The following MUSK variants were observed in gnomAD, a reference collection of about 807,000 sequenced individuals.
MUSK encodes muscle associated receptor tyrosine kinase.
In MUSK, 55 loss-of-function variants were observed where a neutral mutation model predicts 88.7. The ratio of observed to expected loss-of-function variants is 0.62; its 90% CI spans 0.50 to 0.78. The LOEUF (loss-of-function observed/expected upper bound fraction) is 0.78. Among genes scored for constraint, MUSK ranks in the 30% least tolerant of loss-of-function variants. MUSK has a pLI of 0.00. For missense variants in MUSK, 1,015 were observed against 1,074.3 expected (o/e 0.94, Z 0.77); for synonymous variants, 387 against 391.9 (o/e 0.99, Z 0.15).
intron 11 of MUSK, among the ~76,000 whole-genome samples, chr9:110,781,253 GTTT>G (rs1455675224): frequency 9.1e-6 from 1 of 109,748 alleles, no homozygotes; most frequent in African/African-American, 3.3e-5. Flanking sequence ...GTTTGTGTGT[GTTT>G]TTTTGTTTTG....
intron 5 of MUSK, among the ~76,000 whole-genome samples, chr9:110,720,984 C>CA (rs1382223456): frequency 1.3e-5 from 2 of 151,974 alleles, no homozygotes; most frequent in Non-Finnish European, 2.9e-5. Flanking sequence ...GAATCAAAAA[C>CA]AAAAATCACG....
chr9:110,729,835 T>C (rs1248664376), intron 5 of MUSK, among the ~76,000 whole-genome samples: 5 of 151,816 alleles, frequency 3.3e-5, no homozygotes, highest in Non-Finnish European at 7.4e-5. Context: ...AAAAGAGAGG[T>C]AGTTCATCTC....
At chr9:110,768,445 G>A (rs1013564735) in intron 9 of MUSK, among the ~76,000 whole-genome samples, 3 of 152,164 alleles carry the variant, frequency 2.0e-5, no homozygotes, top group Admixed American at 6.5e-5. Flanking sequence ...GCAGTGAGCC[G>A]AGATTGCACC....
chr9:110,754,411 A>T (rs1403945796), intron 7 of MUSK, among the ~76,000 whole-genome samples: 1 of 152,206 alleles, frequency 6.6e-6, no homozygotes, highest in Non-Finnish European at 1.5e-5. Flanking sequence ...GAATTTTTTA[A>T]AATTGAATTC....
chr9:110,717,148 A>G (rs1171994333), intron 5 of MUSK, among the ~76,000 whole-genome samples: 2 of 149,564 alleles, frequency 1.3e-5, no homozygotes, highest in African/African-American at 2.5e-5. Flanking sequence ...GACGATTTCT[A>G]TCATGTATTA....
At chr9:110,766,214 T>A (rs960313460) in intron 8 of MUSK, among the ~76,000 whole-genome samples, 48 of 152,214 alleles carry the variant, frequency 3.2e-4, no homozygotes, top group African/African-American at 1.1e-3. Context: ...GTGTCTAAGG[T>A]TTGCCTGAGG....
intron 1 of MUSK, among the ~76,000 whole-genome samples, chr9:110,675,795 C>T (rs1333635531): frequency 6.7e-6 from 1 of 148,342 alleles, no homozygotes; most frequent in Non-Finnish European, 1.5e-5. Flanking sequence ...CTCTTGAACT[C>T]GTGGTCCTCC....
At chr9:110,686,427 C>G (rs2131667419) in intron 2 of MUSK, among the ~76,000 whole-genome samples, 1 of 152,180 alleles carries the variant, frequency 6.6e-6, no homozygotes, top group Admixed American at 6.6e-5. Flanking sequence ...TTCTGCTTAC[C>G]ACACGCATTT....
At position 110,724,161 on chromosome 9, in the gene MUSK, T is replaced by C. The variant is rs115543188; in HGVS notation, c.629-10090T>C. Among the ~76,000 whole-genome samples the C allele has an allele frequency of 9.9e-3, 1,511 of 152,134 alleles. 27 individuals carry two copies. The highest frequency in any genetic ancestry group is 0.034 in the African/African-American group (1,411 of 41,538). On this transcript the variant is annotated intron_variant, in intron 5 of 14. Transcript: ENST00000374448. ...TCAATTTTGCCTGTTTGTTTTATAA[T>C]TTATTTTTATACATATACTATTATT...
At chr9:110,706,820 A>G (rs1225675888) in intron 5 of MUSK, among the ~76,000 whole-genome samples, 2 of 152,132 alleles carry the variant, frequency 1.3e-5, no homozygotes, top group East Asian at 1.9e-4. Flanking sequence ...CCTGGGCAAC[A>G]TGGTGAAGCC....
At position 110,687,288 on chromosome 9, in the gene MUSK, G is replaced by A. The variant is rs144807641; in HGVS notation, c.358+20G>A. On this transcript the variant is annotated intron_variant, in intron 3 of 14. Transcript: ENST00000374448. Reference sequence around the variant, plus strand: ...AGATGAGTGAGTGGGAAACAGATTCGTCTATTGATTTGAAAGTTGACTTGG... The same window carrying A: ...AGATGAGTGAGTGGGAAACAGATTCATCTATTGATTTGAAAGTTGACTTGG... 1.2e-3 allele frequency: 1,879 copies of A among 1,612,348 alleles called. 3 individuals carry two copies. The highest frequency in any genetic ancestry group is 1.4e-3 in the Non-Finnish European group (1,645 of 1,179,046).
chr9:110,744,173 G>A (rs775533858), intron 6 of MUSK, among the ~76,000 whole-genome samples: 1 of 152,060 alleles, frequency 6.6e-6, no homozygotes, highest in African/African-American at 2.4e-5. Flanking sequence ...TTCACCATGT[G>A]AGCCAGGATG....
intron 6 of MUSK, among the ~76,000 whole-genome samples, chr9:110,747,078 C>T (rs2077182340): frequency 6.6e-6 from 1 of 152,266 alleles, no homozygotes; most frequent in Admixed American, 6.5e-5. Flanking sequence ...TGACTTAAAC[C>T]AATAACTATT....
chr9:110,694,638 G>A (rs2076408663), intron 3 of MUSK, among the ~76,000 whole-genome samples: 1 of 152,180 alleles, frequency 6.6e-6, no homozygotes, highest in South Asian at 2.1e-4. Context: ...TATCTGTAAC[G>A]TAAAATTCCT....
At chr9:110,761,765 G>A (rs2077404811) in intron 7 of MUSK, 1 of 196,484 alleles carries the variant, frequency 5.1e-6, no homozygotes, top group Admixed American at 6.6e-5. Context: ...TAGTAGAGAT[G>A]GGGTTTCACC....
chr9:110,704,693 T>A (rs756346027), intron 5 of MUSK, among the ~76,000 whole-genome samples: 2 of 152,066 alleles, frequency 1.3e-5, no homozygotes, highest in Non-Finnish European at 2.9e-5. Flanking sequence ...GCATAGAGAA[T>A]TATATGGGGG....
In MUSK at chr9:110,776,652, A is replaced by G. The variant is rs753551398; in HGVS notation, c.1381A>G (p.Lys461Glu). 2.5e-6 allele frequency: 4 copies of G among 1,598,076 alleles called. No homozygotes were observed. The highest frequency in any genetic ancestry group is 3.4e-6 in the Non-Finnish European group (4 of 1,168,566). The change falls in exon 11 of 15, where the codon AAA becomes GAA. Residue 461 changes from lysine (K) to glutamate (E), a missense_variant. By Grantham distance (56) the Lys-to-Glu change is moderately conservative. Coordinates refer to ENST00000374448, the MANE Select transcript of MUSK (RefSeq NM_005592.4). ...TTCAGATTATAACAAAGAAAACCTA[A>G]AAAGTAAGTAATTGTGTTTGTGCCC... ...PHLDYNKENL[K>E]TFPPMTSSKP...
chr9:110,774,402 G>A (rs1207195867), intron 9 of MUSK, among the ~76,000 whole-genome samples: 2 of 152,068 alleles, frequency 1.3e-5, no homozygotes, highest in Admixed American at 6.5e-5. Flanking sequence ...GCTATAGAGG[G>A]CATGCTTTAG....
chr9:110,766,486 T>C (rs959700000), intron 8 of MUSK, among the ~76,000 whole-genome samples: 3 of 152,194 alleles, frequency 2.0e-5, no homozygotes, highest in Admixed American at 1.3e-4. Context: ...AAAAGGCCAG[T>C]ATGAATTAAA....
Sources: allele counts gnomAD v4.1 joint callset (sites outside exome capture counted in the v4.1 genomes callset), GRCh38; gene constraint gnomAD v4.1.1; transcripts MANE v1.5; gene names NCBI Gene and HGNC (gene_info 2026-07-23, HGNC 2026-07-21).